PPP4R3B: variants seen among roughly 807,000 people sequenced by gnomAD.
PPP4R3B encodes the protein serine/threonine-protein phosphatase 4 regulatory subunit 3B.
PPP4R3B carries 52 observed loss-of-function variants against 95.4 expected under a neutral mutation model. The ratio of observed to expected loss-of-function variants is 0.54; its 90% CI spans 0.44 to 0.69. The LOEUF (loss-of-function observed/expected upper bound fraction) is 0.69. PPP4R3B is among the 30% of genes least tolerant of loss of function. The probability of loss-of-function intolerance (pLI) is 0.00; values close to 1 mark genes in which losing one functional copy is unlikely to be tolerated. For synonymous variants in PPP4R3B, 407 were observed against 343.9 expected, an observed-to-expected ratio of 1.18 and a Z score of -2.03; for missense variants, 1,003 against 1,005.9, an observed-to-expected ratio of 1.00 and a Z score of 0.04.
intron 4 of PPP4R3B, among the ~76,000 whole-genome samples, chr2:55,594,697 T>C (rs1691523071): frequency 6.6e-6 from 1 of 152,218 alleles, no homozygotes; most frequent in Non-Finnish European, 1.5e-5. Context: ...ACTGTGACTC[T>C]GTCCAATCTC....
chr2:55,563,734 T>C (rs1176966982), intron 15 of PPP4R3B, among the ~76,000 whole-genome samples: 1 of 152,206 alleles, frequency 6.6e-6, no homozygotes, highest in African/African-American at 2.4e-5. Context: ...CAAAAAATGG[T>C]AATTCCTCAG....
Position 55,577,441 on chromosome 2 carries a change from G to A in PPP4R3B, c.1565-85C>T, listed in dbSNP as rs1000499349. ...TAGTACTTTATAATATACAATGCAT[G>A]TCTTCAATCATAATCTCCTTTTACC... is the stretch of plus-strand genomic sequence containing the variant. On this transcript the variant is annotated intron_variant, in intron 10 of 16. Coordinates refer to ENST00000616407, the MANE Select transcript of PPP4R3B (RefSeq NM_001122964.3). 4 of 1,215,444 alleles carry A rather than the reference G, an allele frequency of 3.3e-6. No homozygotes were observed. The African/African-American group carries it at 4.8e-5, about 14-fold the overall frequency. 75.3% of individuals were successfully genotyped at this position (1,215,444 alleles called of 1,614,324 possible).
At chr2:55,606,333 A>C (rs762714947) in intron 2 of PPP4R3B, among the ~76,000 whole-genome samples, 1 of 152,196 alleles carries the variant, frequency 6.6e-6, no homozygotes, top group Non-Finnish European at 1.5e-5. Context: ...ATTAAGACCC[A>C]ATATACACTT....
chr2:55,572,686 T>C (rs1000342442), intron 12 of PPP4R3B, among the ~76,000 whole-genome samples: 1 of 152,212 alleles, frequency 6.6e-6, no homozygotes, highest in African/African-American at 2.4e-5. Context: ...TATTTTCTCT[T>C]ACCAATCCCA....
At position 55,573,680 on chromosome 2, in the gene PPP4R3B, G is replaced by A. The variant is rs1348124825; in HGVS notation, c.1704C>T (p.Asn568=). The change falls in exon 12 of 17, where the codon AAC becomes AAT. Residue 568 remains asparagine (N), a synonymous_variant. Transcript: ENST00000616407. The part of the protein sequence containing the change: ...HTYHIKNYIM[N]KDLLRRVLVL... Reference sequence around the variant, plus strand: ...CCAAGACTCTTCTTAGCAAGTCCTTGTTCATAATATAGTTTTTTATGTGAT... The same window carrying A: ...CCAAGACTCTTCTTAGCAAGTCCTTATTCATAATATAGTTTTTTATGTGAT... The A allele has an allele frequency of 6.5e-7, 1 of 1,545,512 alleles. No homozygotes were observed. The highest frequency in any genetic ancestry group is 8.7e-7 in the Non-Finnish European group (1 of 1,145,172).
rs908229145 is a variant in PPP4R3B at position 55,589,969 on chromosome 2, T to TTA, written c.922-1015_922-1014dup. ...AAAATATATATAATTATATATATATTTATATATATATTTAATATATTATAT... is the reference window on the plus strand; with the variant it reads ...AAAATATATATAATTATATATATATTTATATATATATATTTAATATATTATAT... On this transcript the variant is annotated intron_variant, in intron 4 of 16. Coordinates refer to ENST00000616407, the MANE Select transcript of PPP4R3B (RefSeq NM_001122964.3). 2.8e-4 allele frequency among the ~76,000 whole-genome samples: 40 copies of TTA among 143,336 alleles called. 1 individual carries two copies. The highest frequency in any genetic ancestry group is 2.8e-3 in the East Asian group (14 of 5,052). 94.0% of individuals were successfully genotyped at this position (143,336 alleles called of 152,430 possible).
At chr2:55,581,275 AT>A (rs1161115683) in intron 8 of PPP4R3B, among the ~76,000 whole-genome samples, 10 of 152,306 alleles carry the variant, frequency 6.6e-5, no homozygotes, top group Non-Finnish European at 1.3e-4. Context: ...TAATTTTATC[AT>A]TTTTAAGTGT....
At chr2:55,565,334 G>C (rs1478946374) in intron 13 of PPP4R3B, among the ~76,000 whole-genome samples, 1 of 149,548 alleles carries the variant, frequency 6.7e-6, no homozygotes, top group African/African-American at 2.5e-5. Flanking sequence ...ATATATAGCA[G>C]TTTACAATTT....
At chr2:55,577,666 A>T (rs1688869372) in intron 10 of PPP4R3B, among the ~76,000 whole-genome samples, 2 of 152,156 alleles carry the variant, frequency 1.3e-5, no homozygotes, top group South Asian at 2.1e-4. Flanking sequence ...CAATTAGGGT[A>T]TTTCTCTTCA....
intron 2 of PPP4R3B, among the ~76,000 whole-genome samples, chr2:55,613,009 G>A (rs1377375293): frequency 6.6e-6 from 1 of 152,044 alleles, no homozygotes; most frequent in Non-Finnish European, 1.5e-5. Context: ...TACTCAGAAG[G>A]CTGAAATTGG....
intron 7 of PPP4R3B, among the ~76,000 whole-genome samples, chr2:55,582,328 T>A (rs1300725079): frequency 1.3e-5 from 2 of 152,186 alleles, no homozygotes; most frequent in Middle Eastern, 3.4e-3. Flanking sequence ...AGTGGGGCAA[T>A]CTGGGCTCAC....
chr2:55,595,295 G>A (rs1691610897), intron 4 of PPP4R3B, among the ~76,000 whole-genome samples: 2 of 151,832 alleles, frequency 1.3e-5, no homozygotes, highest in African/African-American at 4.8e-5. Context: ...AAAGTGCTGG[G>A]ATTACAGGCA....
chr2:55,572,535 T>A (rs921856461), intron 12 of PPP4R3B, among the ~76,000 whole-genome samples: 2 of 152,218 alleles, frequency 1.3e-5, no homozygotes, highest in Non-Finnish European at 2.9e-5. Flanking sequence ...CATTTTTCAG[T>A]ATCAGATTGA....
chr2:55,591,558 A>G, intron 4 of PPP4R3B: 1 of 984,542 alleles, frequency 1.0e-6, no homozygotes, highest in Non-Finnish European at 1.2e-6. Context: ...TGTAGATTAC[A>G]TCTTCATCCT....
At chr2:55,552,814 G>C (rs999887112) in intron 16 of PPP4R3B, among the ~76,000 whole-genome samples, 1 of 152,160 alleles carries the variant, frequency 6.6e-6, no homozygotes, top group Non-Finnish European at 1.5e-5. Flanking sequence ...GAGTTGCCAA[G>C]GCATTTTTGG....
rs1358041450 is a variant in PPP4R3B at position 55,589,510 on chromosome 2, C to G, written c.922-554G>C. On this transcript the variant is annotated intron_variant, in intron 4 of 16. Coordinates refer to ENST00000616407, the MANE Select transcript of PPP4R3B (RefSeq NM_001122964.3). ...GTTCTTGCGGTCCCCAAGGATATAACTAAATGACAAAGCACTACAATAACT... is the reference window on the plus strand; with the variant it reads ...GTTCTTGCGGTCCCCAAGGATATAAGTAAATGACAAAGCACTACAATAACT... 3.9e-5 allele frequency among the ~76,000 whole-genome samples: 6 copies of G among 152,148 alleles called. No individual in the cohort carries two copies. In the South Asian group the frequency reaches 1.2e-3, roughly 32 times the overall value.
At chr2:55,555,738 G>T (rs1016996303) in intron 16 of PPP4R3B, among the ~76,000 whole-genome samples, 1 of 152,090 alleles carries the variant, frequency 6.6e-6, no homozygotes, top group Non-Finnish European at 1.5e-5. Flanking sequence ...ATTGATAGGG[G>T]CTAATTATAA....
chr2:55,558,913 G>A lies in PPP4R3B; in HGVS notation c.2316C>T (p.Phe772=). The A allele has an allele frequency of 6.2e-7, 1 of 1,613,946 alleles. No homozygotes were observed. The highest frequency in any genetic ancestry group is 1.3e-5 in the African/African-American group (1 of 75,038). The change falls in exon 16 of 17, where the codon TTC becomes TTT. Residue 772 remains phenylalanine (F), a synonymous_variant. Coordinates refer to ENST00000616407, the MANE Select transcript of PPP4R3B (RefSeq NM_001122964.3). ...NLPKRTSPGG[F]KFTFSHSASA... The stretch of plus-strand genomic sequence containing the variant: ...TGGCAGAGTGGGAGAAAGTAAATTT[G>A]AAGCCACCAGGAGATGTCCTTTTGG...
intron 1 of PPP4R3B, chr2:55,616,388 C>G (rs1694928781): frequency 6.6e-6 from 1 of 152,206 alleles, no homozygotes; most frequent in Non-Finnish European, 1.5e-5. Flanking sequence ...ATTTTTCTAA[C>G]TGCCTATATC....
Sources: allele counts gnomAD v4.1 joint callset (sites outside exome capture counted in the v4.1 genomes callset), GRCh38; gene constraint gnomAD v4.1.1; transcripts MANE v1.5; gene names NCBI Gene and HGNC (gene_info 2026-07-23, HGNC 2026-07-21).